The following SERPINB12 variants were observed in gnomAD, a reference collection of about 807,000 sequenced individuals.
SERPINB12 encodes the protein serpin family B member 12.
SERPINB12 carries 57 observed loss-of-function variants against 41.1 expected under a neutral mutation model. The observed-to-expected ratio is 1.39, with a 90% confidence interval of 1.12 to 1.73. The LOEUF (loss-of-function observed/expected upper bound fraction) is 1.73. SERPINB12 is among the 40% of genes most tolerant of loss of function. The pLI is 0.00. For missense variants in SERPINB12, 536 were observed against 501.9 expected, an observed-to-expected ratio of 1.07 and a Z score of -0.65; for synonymous variants, 180 against 181.3, an observed-to-expected ratio of 0.99 and a Z score of 0.06.
At chr18:63,551,456 G>A (rs545080050) in intron 1 of SERPINB12, among the ~76,000 whole-genome samples, 1 of 152,054 alleles carries the variant, frequency 6.6e-6, no homozygotes, top group Non-Finnish European at 1.5e-5. Context: ...CCCTCAAGTA[G>A]CTGGGATTAC....
At chr18:63,527,498 A>T in the SERPINB12 span, among the ~76,000 whole-genome samples, 4 of 152,192 alleles carry the variant, frequency 2.6e-5, no homozygotes, top group Admixed American at 6.6e-5. Context: ...TGGTGGGGGA[A>T]GTGGAAGCTG....
chr18:63,526,674 C>A, the SERPINB12 span, among the ~76,000 whole-genome samples: 2 of 152,158 alleles, frequency 1.3e-5, no homozygotes, highest in African/African-American at 4.8e-5. Flanking sequence ...TGGGATAAAA[C>A]AGTTTGTTGT....
Position 63,561,103 on chromosome 18 carries a change from A to G in SERPINB12, c.463A>G (p.Ile155Val). The change falls in exon 5 of 8, where the codon ATT (isoleucine) becomes GTT (valine). Residue 155 changes from isoleucine to valine, a missense_variant. Transcript: ENST00000382768. ...PICQEYLDGV[I>V]QFYHTTIESV... ...GGAACAGGAATACTTAGATGGTGTG[A>G]TTCAATTTTACCACACGACGATTGA... is the stretch of plus-strand genomic sequence containing the variant. 1 of 1,608,658 alleles carries G rather than the reference A, an allele frequency of 6.2e-7. No individual in the cohort carries two copies. Among genetic ancestry groups the G allele is most frequent in the African/African-American group, 1.3e-5 (1 of 74,968 alleles).
rs1350908096 is a variant in SERPINB12 at position 63,564,122 on chromosome 18, T to C, written c.705+2T>C. ...GATGCACCTTTCTGTCTAAATGCGG[T>C]AGTGTATCAGAACTCATGGTTTTCT... On this transcript the variant is annotated splice_donor_variant, in intron 6 of 7. Transcript: ENST00000382768. LOFTEE classifies it high-confidence loss of function. The C allele has an allele frequency of 6.2e-7, 1 of 1,611,750 alleles. No individual in the cohort carries two copies. Among genetic ancestry groups the C allele is most frequent in the Non-Finnish European group, 8.5e-7 (1 of 1,179,362 alleles).
upstream of SERPINB12, among the ~76,000 whole-genome samples, chr18:63,539,158 G>A (rs1279565382): frequency 2.0e-5 from 3 of 152,016 alleles, no homozygotes; most frequent in African/African-American, 7.2e-5. Flanking sequence ...TTCCCTTTAT[G>A]ACCATGACTC....
Position 63,565,591 on chromosome 18 carries a change from T to C in SERPINB12, c.852T>C (p.Asp284=). 6.2e-7 allele frequency: 1 copy of C among 1,613,606 alleles called. No individual in the cohort carries two copies. The highest frequency in any genetic ancestry group is 8.5e-7 in the Non-Finnish European group (1 of 1,179,816). The stretch of plus-strand genomic sequence containing the variant: ...TGCTGCTGCCATCTCACTCTAAAGA[T>C]AACCTGAAGGGTCTGGAAGAGGTAA... The part of the protein sequence containing the change: ...MFVLLPSHSK[D]NLKGLEELER... The change falls in exon 7 of 8, where the codon GAT becomes GAC. Residue 284 remains aspartate (D), a synonymous_variant. Coordinates refer to ENST00000382768, the MANE Select transcript of SERPINB12 (RefSeq NM_001307928.2).
upstream of SERPINB12, among the ~76,000 whole-genome samples, chr18:63,538,855 T>C (rs560803756): frequency 2.8e-4 from 42 of 152,280 alleles, no homozygotes; most frequent in African/African-American, 8.4e-4. Context: ...CCAAGACTTG[T>C]TATTGTCTGT....
the SERPINB12 span, among the ~76,000 whole-genome samples, chr18:63,529,321 G>C: frequency 6.6e-6 from 1 of 152,152 alleles, no homozygotes; most frequent in Non-Finnish European, 1.5e-5. Flanking sequence ...TTGGTCAGGC[G>C]GTTGCTGGAC....
At chr18:63,547,836 GA>G (rs1212040558) in intron 1 of SERPINB12, among the ~76,000 whole-genome samples, 1 of 152,026 alleles carries the variant, frequency 6.6e-6, no homozygotes, top group Non-Finnish European at 1.5e-5. Context: ...CTTCCTGCAG[GA>G]TATATAAAGT....
At chr18:63,559,372 G>A (rs1910821002) in intron 3 of SERPINB12, among the ~76,000 whole-genome samples, 1 of 152,018 alleles carries the variant, frequency 6.6e-6, no homozygotes, top group African/African-American at 2.4e-5. Flanking sequence ...ATATAGATGT[G>A]GGAGCCATAA....
intron 6 of SERPINB12, 127 bp from the exon 7 acceptor site, chr18:63,565,318 G>A (rs1911058126): frequency 2.5e-6 from 2 of 788,414 alleles, no homozygotes; most frequent in Admixed American, 5.0e-5. Flanking sequence ...GATCCCTGGT[G>A]TGGCTCAGGA....
the SERPINB12 span, among the ~76,000 whole-genome samples, chr18:63,534,840 C>A: frequency 1.3e-5 from 2 of 152,066 alleles, no homozygotes; most frequent in Non-Finnish European, 2.9e-5. Context: ...TGTGATCGAA[C>A]CTATTTGGAA....
intron 1 of SERPINB12, among the ~76,000 whole-genome samples, chr18:63,551,248 G>A (rs1396767806): frequency 6.6e-6 from 1 of 151,770 alleles, no homozygotes; most frequent in Non-Finnish European, 1.5e-5. Context: ...CAACCTGGGC[G>A]ACAGAGCGAG....
At chr18:63,539,622 A>G (rs1325672368), upstream of SERPINB12, among the ~76,000 whole-genome samples, 1 of 152,076 alleles carries the variant, frequency 6.6e-6, no homozygotes, top group Non-Finnish European at 1.5e-5. Flanking sequence ...AAAACAAAAC[A>G]AAAGCAACAG....
the SERPINB12 span, among the ~76,000 whole-genome samples, chr18:63,532,837 C>A: frequency 3.3e-5 from 5 of 152,190 alleles, no homozygotes; most frequent in East Asian, 9.7e-4. Flanking sequence ...GAAGCAAACC[C>A]CATCGCCATT....
upstream of SERPINB12, among the ~76,000 whole-genome samples, chr18:63,539,332 C>T (rs1910230225): frequency 6.6e-6 from 1 of 152,096 alleles, no homozygotes; most frequent in South Asian, 2.1e-4. Context: ...AAGTCTATTC[C>T]ACTTCCCCAT....
intron 3 of SERPINB12, among the ~76,000 whole-genome samples, chr18:63,558,857 C>T (rs879716286): frequency 9.2e-5 from 14 of 152,072 alleles, no homozygotes; most frequent in African/African-American, 2.2e-4. Flanking sequence ...TGTTCCATTT[C>T]GTGCTGAAAT....
At position 63,561,217 on chromosome 18, in the gene SERPINB12, A is replaced by C. The variant is rs1910899013; in HGVS notation, c.562+15A>C. The C allele has an allele frequency of 6.8e-7, 1 of 1,467,018 alleles. No individual in the cohort carries two copies. The highest frequency in any genetic ancestry group is 9.5e-7 in the Non-Finnish European group (1 of 1,047,478). The allele number at this position is 1,467,018 out of a possible 1,614,324, so 90.9% of individuals were successfully genotyped here. On this transcript the variant is annotated intron_variant, in intron 5 of 7. Coordinates refer to ENST00000382768, the MANE Select transcript of SERPINB12 (RefSeq NM_001307928.2). The stretch of plus-strand genomic sequence containing the variant: ...TCAATCCCAAGGTAAGAAAGCCCAA[A>C]AGCACGGGAGCTGGTATTGGTTTCC...
In SERPINB12 at chr18:63,556,330, A is replaced by G; in HGVS notation, c.168+3A>G. ...ACAGTGCACATCAGATTGATGAGGT[A>G]CGTGTCCACTAGGGTGCTACACAGG... On this transcript the variant is annotated splice_donor_region_variant and intron_variant, in intron 2 of 7. Transcript: ENST00000382768. 1 of 1,613,504 alleles carries G rather than the reference A, an allele frequency of 6.2e-7. No homozygotes were observed. Among genetic ancestry groups the G allele is most frequent in the Non-Finnish European group, 8.5e-7 (1 of 1,179,586 alleles).
Sources: allele counts gnomAD v4.1 joint callset (sites outside exome capture counted in the v4.1 genomes callset), GRCh38; gene constraint gnomAD v4.1.1; transcripts MANE v1.5; gene names NCBI Gene and HGNC (gene_info 2026-07-23, HGNC 2026-07-21).